Variants in RAD51B observed in about 807,000 individuals in gnomAD.
The protein encoded by RAD51B is DNA repair protein RAD51 homolog 2.
Under a neutral mutation model 42.2 loss-of-function variants are expected in RAD51B, and 38 were observed. The ratio of observed to expected loss-of-function variants is 0.90; its 90% CI spans 0.70 to 1.18. The LOEUF (loss-of-function observed/expected upper bound fraction) is 1.18. Ranked by LOEUF, RAD51B falls within the 50% of genes most tolerant of loss-of-function variation. The probability of loss-of-function intolerance (pLI) is 0.00; values close to 1 mark genes in which losing one functional copy is unlikely to be tolerated. For missense variants in RAD51B, 373 were observed against 400.7 expected, an observed-to-expected ratio of 0.93 and a Z score of 0.59; for synonymous variants, 154 against 145.2, an observed-to-expected ratio of 1.06 and a Z score of -0.43.
intron 7 of RAD51B, among the ~76,000 whole-genome samples, chr14:68,004,205 T>C (rs898926971): frequency 2.0e-5 from 3 of 151,636 alleles, no homozygotes; most frequent in Admixed American, 6.6e-5. Flanking sequence ...TGGTGGCGGG[T>C]GCCTGTAGTC....
At chr14:68,252,327 G>A (rs1044226820) in intron 7 of RAD51B, among the ~76,000 whole-genome samples, 2 of 152,198 alleles carry the variant, frequency 1.3e-5, no homozygotes, top group Non-Finnish European at 2.9e-5. Context: ...TATATGAATG[G>A]AAGAGGGAGA....
intron 8 of RAD51B, among the ~76,000 whole-genome samples, chr14:68,352,255 C>A (rs558124670): frequency 6.6e-6 from 1 of 152,330 alleles, no homozygotes; most frequent in African/African-American, 2.4e-5. Context: ...AGGGCTTAAA[C>A]AACGTTGTGG....
At chr14:68,263,562 CATT>C (rs34305361) in intron 7 of RAD51B, among the ~76,000 whole-genome samples, 245 of 152,112 alleles carry the variant, frequency 1.6e-3, no homozygotes, top group African/African-American at 5.7e-3. Context: ...ATGTAATTAA[CATT>C]AGTTACCTAT....
intron 7 of RAD51B, among the ~76,000 whole-genome samples, chr14:68,230,034 T>C (rs972921238): frequency 1.3e-5 from 2 of 152,216 alleles, no homozygotes; most frequent in African/African-American, 4.8e-5. Flanking sequence ...CTATCCCTGC[T>C]CTTCAGAATC....
At chr14:68,519,175 G>A (rs574672687) in intron 10 of RAD51B, among the ~76,000 whole-genome samples, 7 of 152,274 alleles carry the variant, frequency 4.6e-5, no homozygotes, top group African/African-American at 1.7e-4. Context: ...AACATTTACC[G>A]GCACACCAGT....
intron 4 of RAD51B, among the ~76,000 whole-genome samples, chr14:67,847,902 G>T (rs1205204572): frequency 3.9e-5 from 6 of 152,046 alleles, no homozygotes; most frequent in African/African-American, 1.5e-4. Flanking sequence ...CCCCATTTTT[G>T]TGTGGTTGTC....
intron 10 of RAD51B, among the ~76,000 whole-genome samples, chr14:68,521,661 G>T (rs886471681): frequency 1.3e-5 from 2 of 152,184 alleles, no homozygotes; most frequent in Non-Finnish European, 2.9e-5. Context: ...GCCCTTGAGA[G>T]GGAAGACCTT....
chr14:67,895,069 CTG>C (rs998571388), intron 7 of RAD51B, among the ~76,000 whole-genome samples: 8 of 152,192 alleles, frequency 5.3e-5, no homozygotes, highest in Admixed American at 4.6e-4. Context: ...GCCACTGTGC[CTG>C]GCCAGGGTTC....
rs932479206 is a variant in RAD51B, at chr14:68,604,776, T to C, written c.1037-6230T>C. Among the ~76,000 whole-genome samples, 3 of 152,150 alleles carry C rather than the reference T, an allele frequency of 2.0e-5. No individual in the cohort carries two copies. The East Asian group carries it at 5.8e-4, about 29-fold the overall frequency. ...CTCACTGAGGACAGGGCCACGCTGC[T>C]CTGGTCTCATGTACTTTTGTATTCT... On this transcript the variant is annotated intron_variant, in intron 10 of 10. Transcript: ENST00000487861.
rs547398344 is a variant in RAD51B, at chr14:68,533,371, T to G, written c.1037-61114T>G. 1.6e-4 allele frequency among the ~76,000 whole-genome samples: 24 copies of G among 152,276 alleles called. No homozygotes were observed. The South Asian group carries it at 4.8e-3, about 30-fold the overall frequency. The stretch of plus-strand genomic sequence containing the variant: ...GATTCCTGAGCACTTTGTTTGCTGT[T>G]GAGAATAATCCAGTAGAGTGAAAGA... On this transcript the variant is annotated intron_variant, in intron 10 of 10. Coordinates refer to the RAD51B transcript ENST00000487270.
chr14:68,529,923 C>A (rs1311597226), intron 10 of RAD51B, among the ~76,000 whole-genome samples: 1 of 151,522 alleles, frequency 6.6e-6, no homozygotes, highest in Non-Finnish European at 1.5e-5. Flanking sequence ...TAAGAATTGG[C>A]AAATATGAAA....
intron 7 of RAD51B, among the ~76,000 whole-genome samples, chr14:67,942,818 A>G (rs1237276778): frequency 6.6e-6 from 1 of 152,224 alleles, no homozygotes; most frequent in Non-Finnish European, 1.5e-5. Flanking sequence ...AAGTTCAGTG[A>G]CTTAAAAATA....
chr14:68,672,450 G>A (rs1014549353), intron 11 of RAD51B, among the ~76,000 whole-genome samples: 4 of 152,236 alleles, frequency 2.6e-5, no homozygotes, highest in African/African-American at 9.6e-5. Flanking sequence ...AGGAGCTGGG[G>A]TTTGGAAGAG....
chr14:68,448,541 C>T (rs2085476751), intron 9 of RAD51B, among the ~76,000 whole-genome samples: 1 of 152,202 alleles, frequency 6.6e-6, no homozygotes, highest in Non-Finnish European at 1.5e-5. Flanking sequence ...AGGAGGTACT[C>T]AGTAAATATT....
chr14:68,340,316 T>G (rs1270611180), intron 8 of RAD51B, among the ~76,000 whole-genome samples: 1 of 152,176 alleles, frequency 6.6e-6, no homozygotes, highest in Non-Finnish European at 1.5e-5. Context: ...TGGGGGAGAT[T>G]TACATCTGTA....
At chr14:67,844,768 G>A (rs961133817) in intron 4 of RAD51B, among the ~76,000 whole-genome samples, 4 of 151,234 alleles carry the variant, frequency 2.6e-5, no homozygotes, top group Non-Finnish European at 4.4e-5. Context: ...ATCCTTCCCC[G>A]CTCCCCCCAC....
At chr14:67,941,597 G>A (rs1283112157) in intron 7 of RAD51B, among the ~76,000 whole-genome samples, 1 of 152,200 alleles carries the variant, frequency 6.6e-6, no homozygotes, top group African/African-American at 2.4e-5. Context: ...CCAGCTTAGA[G>A]CTAAAGTTGA....
intron 7 of RAD51B, among the ~76,000 whole-genome samples, chr14:68,054,956 G>A (rs964590480): frequency 1.3e-5 from 2 of 152,122 alleles, no homozygotes; most frequent in Admixed American, 1.3e-4. Context: ...CTAAAGAACC[G>A]ATTGCTTGCT....
At position 67,865,051 on chromosome 14, in the gene RAD51B, A is replaced by G. The variant is rs777026346; in HGVS notation, c.364A>G (p.Ser122Gly). ...CGKTQFCIMMSILATLPTNMG... is the reference protein window; with the variant it reads ...CGKTQFCIMMGILATLPTNMG... ...AAAAACTCAGTTTTGTATAATGATGAGCATTTTGGCTACATTACCCACCAA... is the reference window on the plus strand; with the variant it reads ...AAAAACTCAGTTTTGTATAATGATGGGCATTTTGGCTACATTACCCACCAA... Residue 122 changes from serine (S) to glycine (G), a missense_variant, in exon 5 of 11, where the codon AGC becomes GGC. Transcript: ENST00000471583. The G allele has an allele frequency of 1.9e-5, 28 of 1,461,590 alleles. No individual in the cohort carries two copies. Among genetic ancestry groups the G allele is most frequent in the Non-Finnish European group, 2.5e-5 (27 of 1,094,440 alleles). The allele number at this position is 1,461,590 out of a possible 1,614,324, so 90.5% of individuals were successfully genotyped here.
Sources: gnomAD v4.1 joint callset for allele counts (sites outside exome capture counted in the v4.1 genomes callset) on GRCh38, gnomAD v4.1.1 for gene constraint, MANE v1.5 for transcripts, NCBI Gene and HGNC (gene_info 2026-07-23, HGNC 2026-07-21) for gene names.